PTK2B: variants seen among roughly 807,000 people sequenced by gnomAD.
The protein encoded by PTK2B is protein-tyrosine kinase 2-beta.
PTK2B carries 71 observed loss-of-function variants against 142.9 expected under a neutral mutation model. The ratio of observed to expected loss-of-function variants is 0.50; its 90% confidence interval spans 0.41 to 0.61. PTK2B has a LOEUF of 0.61. PTK2B is among the 20% of genes least tolerant of loss of function. The pLI is 0.00. For missense variants in PTK2B, 1,105 were observed against 1,320.4 expected (o/e 0.84, Z 2.53); for synonymous variants, 519 against 503.4 (o/e 1.03, Z -0.42).
intron 2 of PTK2B, among the ~76,000 whole-genome samples, chr8:27,416,494 T>C (rs916563833): frequency 1.3e-5 from 2 of 151,130 alleles, no homozygotes; most frequent in African/African-American, 4.9e-5. Flanking sequence ...AAAAATTAAT[T>C]CACAATAGAT....
rs1287929205 is a variant in PTK2B, at chr8:27,454,198, G to A, written c.2640G>A (p.Val880=). 2 of 1,614,006 alleles carry A rather than the reference G, an allele frequency of 1.2e-6. No individual in the cohort carries two copies. Among genetic ancestry groups the A allele is most frequent in the Non-Finnish European group, 1.7e-6 (2 of 1,180,012 alleles). The change falls in exon 29 of 31, where the codon GTG becomes GTA. Residue 880 remains valine (V), a synonymous_variant. Transcript: ENST00000346049. ...TANLDRTDDL[V]YLNVMELVRA... Reference sequence around the variant, plus strand: ...ACCTGGACCGGACTGATGACCTGGTGTACCTCAATGTCATGGAGCTGGTGC... The same window carrying A: ...ACCTGGACCGGACTGATGACCTGGTATACCTCAATGTCATGGAGCTGGTGC...
chr8:27,354,981 T>C (rs1196624532), intron 1 of PTK2B, among the ~76,000 whole-genome samples: 4 of 152,208 alleles, frequency 2.6e-5, no homozygotes, highest in African/African-American at 9.6e-5. Flanking sequence ...GGGAATGATG[T>C]TCTTACAGTA....
At chr8:27,312,290 A>G (rs553271172) in intron 1 of PTK2B, 58 of 152,260 alleles carry the variant, frequency 3.8e-4, no homozygotes, top group African/African-American at 1.3e-3. Flanking sequence ...CCTTTTTCCA[A>G]CTATCTTTTC....
intron 24 of PTK2B, 120 bp from the exon 25 acceptor site, chr8:27,450,629 A>G (rs1001096514): frequency 3.8e-5 from 49 of 1,279,100 alleles, no homozygotes; most frequent in African/African-American, 6.0e-5. Flanking sequence ...CTTATGAGAA[A>G]AAAGCAGCTG....
intron 5 of PTK2B, among the ~76,000 whole-genome samples, chr8:27,423,166 T>A (rs1182238803): frequency 6.6e-6 from 1 of 152,148 alleles, no homozygotes; most frequent in Non-Finnish European, 1.5e-5. Context: ...ATTGTTAGAA[T>A]GACATAATTA....
intron 2 of PTK2B, among the ~76,000 whole-genome samples, chr8:27,418,984 C>T (rs1457933517): frequency 1.3e-5 from 2 of 151,984 alleles, no homozygotes; most frequent in African/African-American, 4.8e-5. Flanking sequence ...GCCGAGATCA[C>T]ATCACTGCAC....
At chr8:27,337,788 T>C (rs1804165371) in intron 1 of PTK2B, among the ~76,000 whole-genome samples, 1 of 152,246 alleles carries the variant, frequency 6.6e-6, no homozygotes, top group Non-Finnish European at 1.5e-5. Context: ...TTGGATTGTT[T>C]CCACTTTTTG....
chr8:27,397,259 A>G (rs1306839623), intron 1 of PTK2B, among the ~76,000 whole-genome samples: 1 of 152,122 alleles, frequency 6.6e-6, no homozygotes, highest in African/African-American at 2.4e-5. Context: ...CCTGGGTGCC[A>G]GGGTGGAGGG....
intron 2 of PTK2B, among the ~76,000 whole-genome samples, chr8:27,410,660 T>C (rs1277393478): frequency 6.6e-6 from 1 of 152,080 alleles, no homozygotes; most frequent in Non-Finnish European, 1.5e-5. Context: ...CTGAAGAAAG[T>C]TATAAATGGA....
chr8:27,327,589 C>CAA, intron 1 of PTK2B, among the ~76,000 whole-genome samples: 2 of 152,174 alleles, frequency 1.3e-5, no homozygotes, highest in Non-Finnish European at 2.9e-5. Flanking sequence ...GGAAACTGCC[C>CAA]AGGCACTCTG....
Position 27,445,705 on chromosome 8 carries a change from T to C in PTK2B, c.2215-89T>C, listed in dbSNP as rs768013218. The stretch of plus-strand genomic sequence containing the variant: ...CCCCATTCCCTGTGGTGCTCATGCA[T>C]AGTTTCTTTGTGCTCGTGTTTGTAG... On this transcript the variant is annotated intron_variant, in intron 23 of 30. Coordinates refer to ENST00000346049, the MANE Select transcript of PTK2B (RefSeq NM_173176.3). 453 of 1,564,736 alleles carry C rather than the reference T, an allele frequency of 2.9e-4. 3 individuals carry two copies. In the Middle Eastern group the frequency reaches 8.2e-3, roughly 28 times the overall value.
At chr8:27,411,919 C>T (rs1049205416) in intron 2 of PTK2B, among the ~76,000 whole-genome samples, 12 of 152,184 alleles carry the variant, frequency 7.9e-5, no homozygotes, top group African/African-American at 2.9e-4. Context: ...GCAGGTTCAA[C>T]AGTTTCCTAA....
In PTK2B at chr8:27,352,405, A is replaced by G. The variant is rs1321606192; in HGVS notation, c.-38+26724A>G. Reference sequence around the variant, plus strand: ...AGCAAAAGACAGGAAAAGCCTCCCAACCATCTCACCTCTTCTAAATGCTTG... The same window carrying G: ...AGCAAAAGACAGGAAAAGCCTCCCAGCCATCTCACCTCTTCTAAATGCTTG... On this transcript the variant is annotated intron_variant, in intron 1 of 30. Transcript: ENST00000346049. Among the ~76,000 whole-genome samples the G allele has an allele frequency of 2.6e-5, 4 of 152,154 alleles. No individual in the cohort carries two copies. In the East Asian group the frequency reaches 7.7e-4, roughly 29 times the overall value.
chr8:27,315,083 T>A (rs1563452232), intron 3 of PTK2B, among the ~76,000 whole-genome samples: 1 of 152,234 alleles, frequency 6.6e-6, no homozygotes, highest in Non-Finnish European at 1.5e-5. Flanking sequence ...TTAAAGTTCT[T>A]AATAATTTCT....
rs146465306 is a variant in PTK2B at position 27,413,031 on chromosome 8, A to T, written c.205-6864A>T. Among the ~76,000 whole-genome samples the T allele has an allele frequency of 3.8e-3, 510 of 134,400 alleles. 13 individuals are homozygous for T. Among genetic ancestry groups the T allele is most frequent in the Admixed American group, 0.031 (424 of 13,900 alleles). The allele number at this position is 134,400 out of a possible 152,430, so 88.2% of individuals were successfully genotyped here. On this transcript the variant is annotated intron_variant, in intron 2 of 30. Coordinates refer to ENST00000346049, the MANE Select transcript of PTK2B (RefSeq NM_173176.3). The stretch of plus-strand genomic sequence containing the variant: ...TTTTGAAATTATTTCATACTTTTTA[A>T]AAAGTTGGAAAAAAAAAAAACAAGG...
At chr8:27,334,625 G>A (rs181489560) in intron 1 of PTK2B, among the ~76,000 whole-genome samples, 7 of 152,192 alleles carry the variant, frequency 4.6e-5, no homozygotes, top group South Asian at 2.1e-4. Context: ...TCCTTATACC[G>A]TCAAATTCCA....
At chr8:27,433,582 G>GACCACGGGTGGCAGC (rs755406877) in intron 11 of PTK2B, 30 bp downstream of exon 11, 8 of 1,580,404 alleles carry the variant, frequency 5.1e-6, no homozygotes, top group Non-Finnish European at 5.2e-6. Context: ...AAAGTGGCTG[G>GACCACGGGTGGCAGC]ACCACGGGTG....
intron 5 of PTK2B, among the ~76,000 whole-genome samples, chr8:27,425,520 C>A (rs62502424): frequency 6.6e-6 from 1 of 151,868 alleles, no homozygotes; most frequent in Non-Finnish European, 1.5e-5. Flanking sequence ...CTATATACCC[C>A]CTTCCCCACA....
intron 23 of PTK2B, among the ~76,000 whole-genome samples, chr8:27,445,290 G>A (rs374990878): frequency 7.9e-5 from 12 of 152,210 alleles, no homozygotes; most frequent in East Asian, 5.8e-4. Flanking sequence ...GCATGCATCC[G>A]TAGTCCCAGC....
Sources: gnomAD v4.1 joint callset for allele counts (sites outside exome capture counted in the v4.1 genomes callset) on GRCh38, gnomAD v4.1.1 for gene constraint, MANE v1.5 for transcripts, NCBI Gene and HGNC (gene_info 2026-07-23, HGNC 2026-07-21) for gene names.